Variants in DOCK10 observed in about 807,000 individuals in gnomAD.
The protein encoded by DOCK10 is dedicator of cytokinesis 10.
DOCK10 carries 145 observed loss-of-function variants against 280.1 expected under a neutral mutation model. The ratio of observed to expected loss-of-function variants is 0.52; its 90% CI spans 0.45 to 0.59. DOCK10 has a LOEUF of 0.59. Ranked by LOEUF, DOCK10 falls within the 20% of genes least tolerant of loss-of-function variation. The pLI, the probability that DOCK10 is intolerant of heterozygous loss-of-function variation, is 0.00. For synonymous variants in DOCK10, 915 were observed against 942.2 expected (o/e 0.97, Z 0.53); for missense variants, 2,368 against 2,651.7 (o/e 0.89, Z 2.35).
intron 1 of DOCK10, among the ~76,000 whole-genome samples, chr2:224,967,731 TA>T (rs965848270): frequency 6.5e-4 from 94 of 143,592 alleles, no homozygotes; most frequent in African/African-American, 5.6e-4. Context: ...ATCCATATTG[TA>T]AAAAAAAAAA....
intron 1 of DOCK10, among the ~76,000 whole-genome samples, chr2:225,017,199 A>G (rs942096077): frequency 2.0e-5 from 3 of 150,936 alleles, no homozygotes; most frequent in Non-Finnish European, 4.4e-5. Flanking sequence ...AAATAGCAAG[A>G]GTGAAGAAGG....
At chr2:224,821,022 A>G (rs1013304491) in intron 28 of DOCK10, among the ~76,000 whole-genome samples, 1 of 152,252 alleles carries the variant, frequency 6.6e-6, no homozygotes, top group African/African-American at 2.4e-5. Context: ...GCTGTGACCC[A>G]GGTGGGTGGC....
intron 3 of DOCK10, among the ~76,000 whole-genome samples, chr2:224,907,580 C>G (rs984115866): frequency 6.6e-6 from 1 of 151,456 alleles, no homozygotes; most frequent in Non-Finnish European, 1.5e-5. Context: ...CCCAGCTACT[C>G]AGGAGGCTGA....
At chr2:224,963,278 C>A (rs771458178) in intron 1 of DOCK10, among the ~76,000 whole-genome samples, 16 of 152,198 alleles carry the variant, frequency 1.1e-4, no homozygotes, top group Admixed American at 6.5e-5. Context: ...CTGATCTAAG[C>A]CTTGCCTGAT....
At chr2:224,814,393 A>T in intron 30 of DOCK10, 29 bp from the exon 31 acceptor site, 1 of 1,266,958 alleles carries the variant, frequency 7.9e-7, no homozygotes, top group Non-Finnish European at 1.1e-6. Flanking sequence ...AAAAGTTCAG[A>T]TATATACATA....
intron 3 of DOCK10, among the ~76,000 whole-genome samples, chr2:224,906,733 C>T (rs928885647): frequency 3.3e-5 from 5 of 152,236 alleles, no homozygotes; most frequent in South Asian, 2.1e-4. Flanking sequence ...CCCGCCTTGG[C>T]CTCCCAAAGT....
At chr2:224,961,396 TTTTCTTTCTTTCTTTCTC>T (rs1252637902) in intron 1 of DOCK10, among the ~76,000 whole-genome samples, 14 of 113,118 alleles carry the variant, frequency 1.2e-4, no homozygotes, top group South Asian at 5.4e-4. Context: ...CATAGCAGCA[TTTTCTTTCTTTCTTTCTC>T]TTTCTTTCTT....
At chr2:224,942,789 G>C (rs1703167335) in intron 1 of DOCK10, among the ~76,000 whole-genome samples, 1 of 152,164 alleles carries the variant, frequency 6.6e-6, no homozygotes, top group Non-Finnish European at 1.5e-5. Flanking sequence ...GTACTTTAAA[G>C]ATAAGAGGAT....
chr2:224,999,405 G>A (rs1351877241), intron 1 of DOCK10, among the ~76,000 whole-genome samples: 1 of 151,872 alleles, frequency 6.6e-6, no homozygotes, highest in South Asian at 2.1e-4. Flanking sequence ...TTATTCCAGC[G>A]AGTGAAGCTC....
At chr2:224,965,021 A>G (rs1416017373) in intron 1 of DOCK10, among the ~76,000 whole-genome samples, 2 of 152,240 alleles carry the variant, frequency 1.3e-5, no homozygotes, top group Admixed American at 1.3e-4. Flanking sequence ...ATATCAAATA[A>G]AAAAGAAATT....
Position 224,885,817 on chromosome 2 carries a change from A to T in DOCK10, c.613-12T>A. The T allele has an allele frequency of 6.2e-7, 1 of 1,610,486 alleles. No individual in the cohort carries two copies. On this transcript the variant is annotated splice_polypyrimidine_tract_variant and intron_variant, in intron 6 of 55. Transcript: ENST00000258390. ...CGCTTTTTGAATGACTAAATAAAGG[A>T]AAAGATATAAGGAGATATTCAAATT... is the stretch of plus-strand genomic sequence containing the variant.
At chr2:225,021,015 G>T (rs1442049827) in intron 1 of DOCK10, among the ~76,000 whole-genome samples, 1 of 152,194 alleles carries the variant, frequency 6.6e-6, no homozygotes, top group African/African-American at 2.4e-5. Flanking sequence ...ACAATCAAGG[G>T]AGTTTGCTAA....
chr2:224,839,308 C>T (rs534947800), intron 24 of DOCK10, among the ~76,000 whole-genome samples: 33 of 147,264 alleles, frequency 2.2e-4, no homozygotes, highest in African/African-American at 7.1e-4. Context: ...TCTACTGTTA[C>T]ATGTTAGGCA....
Position 224,765,634 on chromosome 2 carries a change from A to G in DOCK10, c.*87T>C, listed in dbSNP as rs77129771. The G allele has an allele frequency of 0.021, 19,906 of 953,316 alleles. 261 individuals carry two copies. Among genetic ancestry groups the G allele is most frequent in the Admixed American group, 0.031 (1,091 of 34,776 alleles). 59.1% of individuals were successfully genotyped at this position (953,316 alleles called of 1,614,324 possible). On this transcript the variant is annotated 3_prime_UTR_variant, in exon 56 of 56. Transcript: ENST00000258390. The stretch of plus-strand genomic sequence containing the variant: ...AAATATTAACACCATGAAAACTTCA[A>G]ATAAATTAAACCTATCTTTCTCTTC...
intron 50 of DOCK10, among the ~76,000 whole-genome samples, chr2:224,782,270 T>C (rs113190795): frequency 7.0e-4 from 106 of 152,332 alleles, no homozygotes; most frequent in African/African-American, 2.3e-3. Context: ...GATCCTGAGA[T>C]GCAAGTACAC....
chr2:224,954,541 C>T (rs1355024740), intron 1 of DOCK10, among the ~76,000 whole-genome samples: 9 of 152,138 alleles, frequency 5.9e-5, no homozygotes, highest in African/African-American at 1.2e-4. Context: ...GCCTGCTCTG[C>T]TGTTGAAAAT....
At chr2:224,894,748 A>G (rs1272775560) in intron 4 of DOCK10, among the ~76,000 whole-genome samples, 1 of 152,206 alleles carries the variant, frequency 6.6e-6, no homozygotes, top group Non-Finnish European at 1.5e-5. Flanking sequence ...GCAGTTTAGA[A>G]GGGACATACT....
intron 1 of DOCK10, among the ~76,000 whole-genome samples, chr2:225,009,353 G>A (rs1689368213): frequency 6.6e-6 from 1 of 152,040 alleles, no homozygotes; most frequent in African/African-American, 2.4e-5. Flanking sequence ...ACCTTAAGAA[G>A]GGAAGCTCTC....
chr2:224,981,642 C>A (rs1705751901), intron 1 of DOCK10, among the ~76,000 whole-genome samples: 1 of 152,152 alleles, frequency 6.6e-6, no homozygotes, highest in African/African-American at 2.4e-5. Flanking sequence ...TGACAAGTGG[C>A]AAGAAAAAGC....
Sources: allele counts gnomAD v4.1 joint callset (sites outside exome capture counted in the v4.1 genomes callset), GRCh38; gene constraint gnomAD v4.1.1; transcripts MANE v1.5; gene names NCBI Gene and HGNC (gene_info 2026-07-23, HGNC 2026-07-21).